The following NSUN2 variants were observed in gnomAD, a reference collection of about 807,000 sequenced individuals.
The protein encoded by NSUN2 is RNA cytosine C(5)-methyltransferase NSUN2.
NSUN2 carries 63 observed loss-of-function variants against 92.7 expected under a neutral mutation model. The ratio of observed to expected loss-of-function variants is 0.68; its 90% CI spans 0.56 to 0.84. The LOEUF is 0.84. Ranked by LOEUF, NSUN2 falls within the 40% of genes least tolerant of loss-of-function variation. The probability of loss-of-function intolerance (pLI) is 0.00; values close to 1 mark genes in which losing one functional copy is unlikely to be tolerated. For missense variants in NSUN2, 989 were observed against 964.9 expected, an observed-to-expected ratio of 1.02 and a Z score of -0.33; for synonymous variants, 356 against 348.3, an observed-to-expected ratio of 1.02 and a Z score of -0.25.
chr5:6,602,015 G>A (rs1000093478), intron 18 of NSUN2, among the ~76,000 whole-genome samples: 15 of 151,296 alleles, frequency 9.9e-5, no homozygotes, highest in Admixed American at 4.0e-4. Context: ...CAGTGGTCCC[G>A]TGGGGACCGT....
rs1736595447 is a variant in NSUN2, at chr5:6,602,443, G to A, written c.1997+18C>T. The A allele has an allele frequency of 6.2e-7, 1 of 1,612,534 alleles. No homozygotes were observed. The highest frequency in any genetic ancestry group is 8.5e-7 in the Non-Finnish European group (1 of 1,178,846). On this transcript the variant is annotated intron_variant, in intron 18 of 18. Coordinates refer to ENST00000264670, the MANE Select transcript of NSUN2 (RefSeq NM_017755.6). ...GACAAGGCGTGTGTGTCTAAGGGCAGGGCGTGTACTGACTTACGCAGAATC... is the reference window on the plus strand; with the variant it reads ...GACAAGGCGTGTGTGTCTAAGGGCAAGGCGTGTACTGACTTACGCAGAATC...
At chr5:6,630,494 T>C (rs868110543) in intron 3 of NSUN2, among the ~76,000 whole-genome samples, 5 of 152,122 alleles carry the variant, frequency 3.3e-5, no homozygotes, top group Non-Finnish European at 5.9e-5. Context: ...TTAGTAGAGA[T>C]AGGGTTTCAC....
intron 16 of NSUN2, 116 bp downstream of exon 16, chr5:6,604,489 A>G: frequency 9.8e-7 from 1 of 1,019,534 alleles, no homozygotes; most frequent in East Asian, 2.4e-5. Context: ...AGTGGCTGGT[A>G]GGTGCCAGCC....
rs761577703 is a variant in NSUN2, at chr5:6,604,198, G to T, written c.1897C>A (p.Gln633Lys). 5 of 1,613,490 alleles carry T rather than the reference G, an allele frequency of 3.1e-6. 1 individual carries two copies. The South Asian group carries it at 5.5e-5, about 18-fold the overall frequency. ...SMEDVKILLT[Q>K]ENPFFRKLSS... ...AGTTTTCTAAAAAAGGGATTTTCCT[G>T]GGTCAACAGTATCTTAACATCTTCC... Residue 633 changes from glutamine to lysine, a missense_variant, in exon 17 of 19, where the codon CAG becomes AAG. Physicochemically the swap from Gln to Lys is moderately conservative, Grantham distance 53. Around this residue, in one of 3 missense-constraint regions of NSUN2, gnomAD observed 626 missense variants for 602.3 expected, o/e 1.04. Coordinates refer to ENST00000264670, the MANE Select transcript of NSUN2 (RefSeq NM_017755.6).
intron 6 of NSUN2, 101 bp from the exon 7 acceptor site, chr5:6,620,399 C>A (rs1467113999): frequency 2.2e-6 from 2 of 906,992 alleles, no homozygotes; most frequent in Non-Finnish European, 1.6e-6. Flanking sequence ...AAGCAGCAAT[C>A]CACCAAACTT....
At chr5:6,603,358 C>T (rs1489457244) in intron 17 of NSUN2, among the ~76,000 whole-genome samples, 3 of 152,228 alleles carry the variant, frequency 2.0e-5, no homozygotes, top group African/African-American at 4.8e-5. Context: ...TGATTAAAAT[C>T]TGCATGTTAG....
At position 6,602,448 on chromosome 5, in the gene NSUN2, T is replaced by C. The variant is rs749237430; in HGVS notation, c.1997+13A>G. 3.2e-5 allele frequency: 51 copies of C among 1,613,408 alleles called. No homozygotes were observed. Among genetic ancestry groups the C allele is most frequent in the Non-Finnish European group, 3.7e-5 (44 of 1,179,456 alleles). ...GGCGTGTGTGTCTAAGGGCAGGGCG[T>C]GTACTGACTTACGCAGAATCTGGTT... On this transcript the variant is annotated intron_variant, in intron 18 of 18. Coordinates refer to ENST00000264670, the MANE Select transcript of NSUN2 (RefSeq NM_017755.6).
At chr5:6,625,297 A>G (rs1179674053) in intron 4 of NSUN2, among the ~76,000 whole-genome samples, 1 of 152,166 alleles carries the variant, frequency 6.6e-6, no homozygotes, top group Non-Finnish European at 1.5e-5. Context: ...CCAACCCTAT[A>G]GCCATCCAAA....
Position 6,617,290 on chromosome 5 carries a change from G to A in NSUN2, c.891-433C>T, listed in dbSNP as rs1035970061. The stretch of plus-strand genomic sequence containing the variant: ...TATGGAGACGAGGCCTCCTGCTATA[G>A]TTGGTTGTGGTGGATGCTAATTAGT... On this transcript the variant is annotated intron_variant, in intron 8 of 18. Transcript: ENST00000264670. Among the ~76,000 whole-genome samples, 8 of 152,178 alleles carry A rather than the reference G, an allele frequency of 5.3e-5. No individual in the cohort carries two copies. The South Asian group carries it at 8.3e-4, about 16-fold the overall frequency.
At position 6,604,619 on chromosome 5, in the gene NSUN2, G is replaced by A. The variant is rs371887249; in HGVS notation, c.1804C>T (p.Arg602Trp). ...NSGEEFDCAFRLAQEGIYTLY... is the reference protein window; with the variant it reads ...NSGEEFDCAFWLAQEGIYTLY... ...TCCAAAATTACCTCCTGTGCCAGCC[G>A]GAAAGCACAGTCAAACTCTTCACCG... The change falls in exon 16 of 19, where the codon CGG becomes TGG. Residue 602 changes from arginine to tryptophan, a missense_variant. Around this residue, in one of 3 missense-constraint regions of NSUN2, gnomAD observed 626 missense variants for 602.3 expected, o/e 1.04. Coordinates refer to ENST00000264670, the MANE Select transcript of NSUN2 (RefSeq NM_017755.6). 9.9e-6 allele frequency: 16 copies of A among 1,613,858 alleles called. No individual in the cohort carries two copies. Among genetic ancestry groups the A allele is most frequent in the African/African-American group, 4.0e-5 (3 of 74,866 alleles).
At chr5:6,623,307 A>T (rs758216736) in intron 4 of NSUN2, 22 bp from the exon 5 acceptor site, 2 of 1,511,860 alleles carry the variant, frequency 1.3e-6, no homozygotes, top group African/African-American at 3.7e-5. Flanking sequence ...AAAAAAAATC[A>T]GCAACAATTA....
At chr5:6,612,045 G>A (rs1348675140) in intron 9 of NSUN2, among the ~76,000 whole-genome samples, 1 of 152,166 alleles carries the variant, frequency 6.6e-6, no homozygotes, top group Non-Finnish European at 1.5e-5. Context: ...TGACGGGAAC[G>A]GCCTAAAGCT....
chr5:6,631,511 A>G (rs538647344), intron 3 of NSUN2, among the ~76,000 whole-genome samples: 25 of 152,170 alleles, frequency 1.6e-4, no homozygotes, highest in Non-Finnish European at 3.2e-4. Flanking sequence ...CTACCAGGAG[A>G]CTGTTGTCAA....
intron 4 of NSUN2, among the ~76,000 whole-genome samples, 173 bp from the exon 5 acceptor site, chr5:6,623,458 C>T (rs1236393534): frequency 1.3e-5 from 2 of 152,122 alleles, no homozygotes; most frequent in East Asian, 1.9e-4. Flanking sequence ...TGTACACTAG[C>T]GGACAAATGG....
intron 12 of NSUN2, among the ~76,000 whole-genome samples, chr5:6,607,674 G>A (rs1440315598): frequency 6.6e-6 from 1 of 152,214 alleles, no homozygotes; most frequent in Non-Finnish European, 1.5e-5. Flanking sequence ...TTGTTCTCGT[G>A]TAAAAATGCT....
chr5:6,619,350 C>T (rs1461224368), intron 7 of NSUN2, among the ~76,000 whole-genome samples: 1 of 152,174 alleles, frequency 6.6e-6, no homozygotes, highest in Admixed American at 6.5e-5. Flanking sequence ...AATGTGGTAT[C>T]GTATCTAAAG....
intron 7 of NSUN2, among the ~76,000 whole-genome samples, chr5:6,619,060 G>A (rs907170831): frequency 3.3e-5 from 5 of 152,104 alleles, no homozygotes; most frequent in Admixed American, 6.5e-5. Context: ...AGGTCACTGC[G>A]TTCTCAGATC....
intron 11 of NSUN2, among the ~76,000 whole-genome samples, chr5:6,610,246 T>TC (rs201293805): frequency 0.016 from 2,361 of 150,718 alleles, 73 homozygotes; most frequent in African/African-American, 0.054. Flanking sequence ...GTATTTTTCT[T>TC]TTTTTTTTTC....
chr5:6,626,547 C>T (rs185532995), intron 3 of NSUN2, among the ~76,000 whole-genome samples: 3 of 152,182 alleles, frequency 2.0e-5, no homozygotes, highest in South Asian at 2.1e-4. Flanking sequence ...TGTGGTTTTG[C>T]CGTGTTGGCC....
Sources: allele counts gnomAD v4.1 joint callset (sites outside exome capture counted in the v4.1 genomes callset), GRCh38; gene constraint gnomAD v4.1.1; regional missense constraint gnomAD v4.1.1; transcripts MANE v1.5; gene names NCBI Gene and HGNC (gene_info 2026-07-23, HGNC 2026-07-21).